PACC1: variants seen among roughly 807,000 people sequenced by gnomAD.
PACC1 encodes proton activated chloride channel 1, also known as proton-activated chloride channel.
In PACC1, 34 loss-of-function variants were observed where a neutral mutation model predicts 39.7. The ratio of observed to expected loss-of-function variants is 0.86; its 90% CI spans 0.65 to 1.14. The LOEUF is 1.14. Ranked by LOEUF, PACC1 falls within the 50% of genes most tolerant of loss-of-function variation. The pLI, the probability that PACC1 is intolerant of heterozygous loss-of-function variation, is 0.00. For missense variants in PACC1, 379 were observed against 436.4 expected (o/e 0.87, Z 1.17); for synonymous variants, 127 against 160.6 (o/e 0.79, Z 1.58).
intron 6 of PACC1, among the ~76,000 whole-genome samples, chr1:212,375,862 G>A (rs1660646595): frequency 6.6e-6 from 1 of 151,922 alleles, no homozygotes; most frequent in African/African-American, 2.4e-5. Context: ...TCTAGCCTGG[G>A]GGACAGAGCA....
chr1:212,414,496 C>T (rs1662258186), intron 1 of PACC1, among the ~76,000 whole-genome samples: 2 of 152,170 alleles, frequency 1.3e-5, no homozygotes, highest in African/African-American at 4.8e-5. Context: ...GGCCATGCAA[C>T]CCGCAGCATA....
chr1:212,412,452 T>TC (rs1473242885), intron 1 of PACC1, among the ~76,000 whole-genome samples: 1 of 150,036 alleles, frequency 6.7e-6, no homozygotes, highest in Non-Finnish European at 1.5e-5. Context: ...CAAGGAAAAA[T>TC]CCCCCCTCAG....
chr1:212,411,842 G>A (rs183301664), intron 1 of PACC1, among the ~76,000 whole-genome samples: 3 of 152,240 alleles, frequency 2.0e-5, no homozygotes, highest in African/African-American at 7.2e-5. Flanking sequence ...AAGCACAAAA[G>A]AAAAGGCCAG....
chr1:212,376,719 G>A (rs1660678722), intron 6 of PACC1: 2 of 152,194 alleles, frequency 1.3e-5, no homozygotes, highest in Admixed American at 1.3e-4. Context: ...AACTGGCTTT[G>A]AGCCTCTTCC....
intron 2 of PACC1, among the ~76,000 whole-genome samples, chr1:212,404,231 C>T (rs994295605): frequency 2.6e-5 from 4 of 151,930 alleles, no homozygotes; most frequent in African/African-American, 4.8e-5. Flanking sequence ...CTCAGCCTCC[C>T]GAGTAGCTGG....
At chr1:212,389,455 T>A (rs1421960125) in intron 2 of PACC1, among the ~76,000 whole-genome samples, 2 of 151,824 alleles carry the variant, frequency 1.3e-5, no homozygotes, top group Non-Finnish European at 2.9e-5. Context: ...GAAAAAAAAA[T>A]ACCCTTCTGA....
chr1:212,364,279 C>G lies in PACC1; in HGVS notation c.*936G>C, dbSNP rs1043787336. Reference sequence around the variant, plus strand: ...AGTTAACCCAGCTTCCTCGGGGACACCAGGTCACTCTTTCTGGACACCTGC... The same window carrying G: ...AGTTAACCCAGCTTCCTCGGGGACAGCAGGTCACTCTTTCTGGACACCTGC... On this transcript the variant is annotated 3_prime_UTR_variant, in exon 8 of 8. Transcript: ENST00000261455. 3 of 152,144 alleles carry G rather than the reference C, an allele frequency of 2.0e-5. No homozygotes were observed. The highest frequency in any genetic ancestry group is 4.8e-5 in the African/African-American group (2 of 41,410). The allele number at this position is 152,144 out of a possible 1,614,324, so 9.4% of individuals were successfully genotyped here.
chr1:212,369,782 G>GAAA (rs1197824626), intron 7 of PACC1, among the ~76,000 whole-genome samples: 2 of 73,906 alleles, frequency 2.7e-5, no homozygotes, highest in Non-Finnish European at 5.2e-5. Context: ...CTCCATCTCA[G>GAAA]AAAAAAAAAA....
chr1:212,370,360 T>A (rs1660402364), intron 7 of PACC1, among the ~76,000 whole-genome samples: 1 of 152,144 alleles, frequency 6.6e-6, no homozygotes, highest in South Asian at 2.1e-4. Context: ...TCCCAGCTAC[T>A]CGGGAGGCTG....
At chr1:212,393,601 GGAGACT>G (rs1224682924) in intron 2 of PACC1, among the ~76,000 whole-genome samples, 1 of 152,170 alleles carries the variant, frequency 6.6e-6, no homozygotes, top group Non-Finnish European at 1.5e-5. Context: ...CAGAACTGAA[GGAGACT>G]GAGACACAAA....
chr1:212,390,941 G>A (rs756623155), intron 2 of PACC1, among the ~76,000 whole-genome samples: 9 of 152,336 alleles, frequency 5.9e-5, no homozygotes, highest in East Asian at 1.9e-4. Context: ...CAAAGCGGCC[G>A]GGAAGCTCGA....
chr1:212,377,525 G>C lies in PACC1; in HGVS notation c.783+37C>G, dbSNP rs756481142. On this transcript the variant is annotated intron_variant, in intron 6 of 7. Coordinates refer to ENST00000261455, the MANE Select transcript of PACC1 (RefSeq NM_018252.3). ...CCACCTCAGACTCGAATGTGGAAAA[G>C]TCACCAGCAGTTTCAAGCAAACCCA... The C allele has an allele frequency of 1.4e-5, 23 of 1,612,218 alleles. No individual in the cohort carries two copies. The South Asian group carries it at 1.8e-4, about 12-fold the overall frequency.
At chr1:212,401,259 T>C (rs1661698626) in intron 2 of PACC1, among the ~76,000 whole-genome samples, 1 of 152,164 alleles carries the variant, frequency 6.6e-6, no homozygotes, top group Admixed American at 6.5e-5. Flanking sequence ...TCTGTCCCTA[T>C]GGATTTGCCT....
chr1:212,387,612 C>A (rs1156857147), intron 2 of PACC1: 1 of 155,596 alleles, frequency 6.4e-6, no homozygotes, highest in East Asian at 1.9e-4. Flanking sequence ...CTCACACTTA[C>A]CATTCCCTCT....
In PACC1 at chr1:212,401,995, T is replaced by A. The variant is rs570089527; in HGVS notation, c.133+8430A>T. Among the ~76,000 whole-genome samples, 5 of 152,316 alleles carry A rather than the reference T, an allele frequency of 3.3e-5. No homozygotes were observed. In the East Asian group the frequency reaches 9.7e-4, roughly 29 times the overall value. ...CAGCCAGTTCCTCATTCTTTTATTG[T>A]CAAATAATATTCTATTGTGTGAATG... is the stretch of plus-strand genomic sequence containing the variant. On this transcript the variant is annotated intron_variant, in intron 2 of 7. Transcript: ENST00000261455.
intron 7 of PACC1, among the ~76,000 whole-genome samples, 157 bp downstream of exon 7, chr1:212,375,036 T>C (rs550259929): frequency 1.3e-5 from 2 of 152,220 alleles, no homozygotes; most frequent in African/African-American, 2.4e-5. Flanking sequence ...ATTTGTGCTA[T>C]GAAAAAAGAT....
intron 1 of PACC1, among the ~76,000 whole-genome samples, chr1:212,412,226 G>A (rs1157359677): frequency 2.6e-5 from 4 of 152,128 alleles, no homozygotes; most frequent in African/African-American, 9.7e-5. Context: ...TAAGCCACTA[G>A]CAGGAGCACA....
chr1:212,381,677 G>GACAC (rs1170030743), intron 4 of PACC1, among the ~76,000 whole-genome samples: 6 of 86,866 alleles, frequency 6.9e-5, no homozygotes, highest in East Asian at 3.5e-4. Context: ...CATGTGCACA[G>GACAC]ACACACACAC....
chr1:212,385,851 G>A (rs1008994257), intron 3 of PACC1, among the ~76,000 whole-genome samples: 17 of 152,140 alleles, frequency 1.1e-4, no homozygotes, highest in African/African-American at 3.9e-4. Context: ...CCCCAAGTGT[G>A]CAAGTCACAT....
Sources: allele counts gnomAD v4.1 joint callset (sites outside exome capture counted in the v4.1 genomes callset), GRCh38; gene constraint gnomAD v4.1.1; transcripts MANE v1.5; gene names NCBI Gene and HGNC (gene_info 2026-07-23, HGNC 2026-07-21).